Variants in SHQ1 observed in about 807,000 individuals in gnomAD.
SHQ1 encodes protein SHQ1 homolog.
Under a neutral mutation model 53.8 loss-of-function variants are expected in SHQ1, and 49 were observed. That is an observed-to-expected ratio of 0.91 (90% CI 0.72 to 1.16). The LOEUF is 1.16. Ranked by LOEUF, SHQ1 falls within the 50% of genes most tolerant of loss-of-function variation. The probability of loss-of-function intolerance (pLI) is 0.00; values close to 1 mark genes in which losing one functional copy is unlikely to be tolerated. For synonymous variants in SHQ1, 243 were observed against 251.0 expected (o/e 0.97, Z 0.30); for missense variants, 738 against 683.1 (o/e 1.08, Z -0.90).
At chr3:72,815,048 T>C (rs1707266919) in intron 8 of SHQ1, among the ~76,000 whole-genome samples, 1 of 152,140 alleles carries the variant, frequency 6.6e-6, no homozygotes, top group African/African-American at 2.4e-5. Flanking sequence ...CTTCCATCTC[T>C]GAGTTTCAAG....
rs554909173 is a variant in SHQ1 at position 72,796,034 on chromosome 3, C to A, written c.1061-2998G>T. Reference sequence around the variant, plus strand: ...AGGAGAATCACTGGACCCGGGGAGGCAGAGGTTGCAGTGAGCCAAGATTGC... The same window carrying A: ...AGGAGAATCACTGGACCCGGGGAGGAAGAGGTTGCAGTGAGCCAAGATTGC... On this transcript the variant is annotated intron_variant, in intron 9 of 10. Transcript: ENST00000325599. Among the ~76,000 whole-genome samples the A allele has an allele frequency of 5.9e-5, 8 of 135,002 alleles. No individual in the cohort carries two copies. In the South Asian group the frequency reaches 1.8e-3, roughly 30 times the overall value. 88.6% of individuals were successfully genotyped at this position (135,002 alleles called of 152,430 possible). A position where few individuals can be genotyped will look rare whatever the true frequency, so the allele number is the denominator to read the frequency against.
intron 1 of SHQ1, chr3:72,846,300 T>C (rs1052378464): frequency 2.9e-6 from 2 of 701,378 alleles, no homozygotes; most frequent in Non-Finnish European, 2.0e-6. Flanking sequence ...TGTATGTTCT[T>C]TTTTTTTTTT....
chr3:72,805,331 C>T (rs1009296943), intron 9 of SHQ1, among the ~76,000 whole-genome samples: 9 of 152,134 alleles, frequency 5.9e-5, no homozygotes, highest in African/African-American at 2.2e-4. Flanking sequence ...ATTCAATTCA[C>T]TTCATCAAGG....
rs756593384 is a variant in SHQ1 at position 72,812,802 on chromosome 3, G to A, written c.937-8C>T. The A allele has an allele frequency of 3.1e-6, 5 of 1,613,574 alleles. No homozygotes were observed. In the Middle Eastern group the frequency reaches 6.6e-4, roughly 213 times the overall value. ...ATGAACGTTAGTCCAAGTCTGTGAA[G>A]TGTCATTTTAATAAGCAGTCATTTC... is the stretch of plus-strand genomic sequence containing the variant. On this transcript the variant is annotated splice_region_variant and splice_polypyrimidine_tract_variant and intron_variant, in intron 8 of 10. Transcript: ENST00000325599.
intron 10 of SHQ1, among the ~76,000 whole-genome samples, chr3:72,769,377 C>A (rs1705799233): frequency 6.6e-6 from 1 of 152,236 alleles, no homozygotes; most frequent in Non-Finnish European, 1.5e-5. Context: ...CCAAGGGTCA[C>A]TAGCTTGCAA....
chr3:72,806,275 C>T (rs968671665), intron 9 of SHQ1, among the ~76,000 whole-genome samples: 1 of 152,128 alleles, frequency 6.6e-6, no homozygotes, highest in Non-Finnish European at 1.5e-5. Flanking sequence ...GAGTTAACTC[C>T]TGCTGTACTC....
At chr3:72,767,846 C>T (rs1705764124) in intron 10 of SHQ1, among the ~76,000 whole-genome samples, 1 of 152,224 alleles carries the variant, frequency 6.6e-6, no homozygotes, top group Non-Finnish European at 1.5e-5. Flanking sequence ...TGTTGGCTGC[C>T]TAGCATTTCA....
intron 6 of SHQ1, among the ~76,000 whole-genome samples, chr3:72,820,013 C>T (rs1368779120): frequency 1.3e-5 from 2 of 152,090 alleles, no homozygotes; most frequent in African/African-American, 4.8e-5. Context: ...GGGAAAATGC[C>T]AGGTGTTCAT....
At position 72,824,503 on chromosome 3, in the gene SHQ1, A is replaced by T. The variant is rs752517147; in HGVS notation, c.648T>A (p.Asn216Lys). 11 of 1,612,840 alleles carry T rather than the reference A, an allele frequency of 6.8e-6. No homozygotes were observed. The East Asian group carries it at 2.5e-4, about 36-fold the overall frequency. The change falls in exon 6 of 11, where the codon AAT becomes AAA. Residue 216 changes from asparagine to lysine, a missense_variant. Physicochemically the swap from Asn to Lys is moderately conservative, Grantham distance 94. Coordinates refer to ENST00000325599, the MANE Select transcript of SHQ1 (RefSeq NM_018130.3). ...DEAIEQILKY[N>K]PWWTDKYSKM... ...TTGAATATTTGTCAGTCCACCAAGG[A>T]TTATACTTCAAAATCTGTTCAATCG... is the stretch of plus-strand genomic sequence containing the variant.
the SHQ1 span, among the ~76,000 whole-genome samples, chr3:72,740,233 G>A: frequency 6.6e-6 from 1 of 152,212 alleles, no homozygotes; most frequent in Admixed American, 6.5e-5. Context: ...GAATGATTCA[G>A]TGTTTACCCA....
chr3:72,796,079 G>C lies in SHQ1; in HGVS notation c.1061-3043C>G, dbSNP rs1257932908. On this transcript the variant is annotated intron_variant, in intron 9 of 10. Transcript: ENST00000325599. ...GATTGCGCCACTCACTCCAGTCTAG[G>C]TGACAGAGTGAGACTCCATCTCAAA... Among the ~76,000 whole-genome samples the C allele has an allele frequency of 6.5e-5, 9 of 138,834 alleles. No homozygotes were observed. In the East Asian group the frequency reaches 8.5e-4, roughly 13 times the overall value. The allele number at this position is 138,834 out of a possible 152,430, so 91.1% of individuals were successfully genotyped here.
intron 9 of SHQ1, among the ~76,000 whole-genome samples, chr3:72,811,499 T>C (rs1469952523): frequency 1.3e-5 from 2 of 152,182 alleles, no homozygotes; most frequent in Admixed American, 6.5e-5. Flanking sequence ...TTAAAGAAGA[T>C]AGATTTCTCA....
At chr3:72,796,101 C>CAAAAAAAAAAAAAAAAAA (rs555086403) in intron 9 of SHQ1, among the ~76,000 whole-genome samples, 4 of 40,512 alleles carry the variant, frequency 9.9e-5, no homozygotes, top group East Asian at 1.5e-3. Flanking sequence ...GACTCCATCT[C>CAAAAAAAAAAAAAAAAAA]AAAAAAAAAA....
intron 1 of SHQ1, 130 bp downstream of exon 1, chr3:72,848,068 A>T: frequency 8.8e-7 from 1 of 1,139,316 alleles, no homozygotes; most frequent in Admixed American, 2.0e-5. Context: ...CCTGGCACCA[A>T]GAGAAGCTGC....
chr3:72,738,949 C>T, the SHQ1 span, among the ~76,000 whole-genome samples: 5 of 152,200 alleles, frequency 3.3e-5, no homozygotes, highest in African/African-American at 9.6e-5. Flanking sequence ...CTAGTTCAGC[C>T]AGGAGGCCCT....
chr3:72,813,781 A>T (rs1707208947), intron 8 of SHQ1, among the ~76,000 whole-genome samples: 1 of 148,540 alleles, frequency 6.7e-6, no homozygotes, highest in South Asian at 2.1e-4. Context: ...AAAAAAAAAA[A>T]TACATAGAAC....
At chr3:72,765,408 G>T (rs1378490137) in intron 10 of SHQ1, among the ~76,000 whole-genome samples, 1 of 149,312 alleles carries the variant, frequency 6.7e-6, no homozygotes, top group Non-Finnish European at 1.5e-5. Context: ...GTGCATCAGG[G>T]CTGCATTTTT....
intron 10 of SHQ1, among the ~76,000 whole-genome samples, chr3:72,774,595 A>G (rs1366841510): frequency 1.3e-5 from 2 of 152,216 alleles, no homozygotes; most frequent in African/African-American, 2.4e-5. Context: ...AAATCAGAAA[A>G]TATGTGGAAT....
At chr3:72,755,393 C>G (rs916442112) in intron 10 of SHQ1, among the ~76,000 whole-genome samples, 1 of 152,066 alleles carries the variant, frequency 6.6e-6, no homozygotes, top group African/African-American at 2.4e-5. Flanking sequence ...CCTTTAATAC[C>G]TCAAGCTGGC....
Sources: gnomAD v4.1 joint callset for allele counts (sites outside exome capture counted in the v4.1 genomes callset) on GRCh38, gnomAD v4.1.1 for gene constraint, MANE v1.5 for transcripts, NCBI Gene and HGNC (gene_info 2026-07-23, HGNC 2026-07-21) for gene names.